Variants in FSTL1 observed in about 807,000 individuals in gnomAD.
The protein encoded by FSTL1 is follistatin-related protein 1.
Under a neutral mutation model 45.9 loss-of-function variants are expected in FSTL1, and 24 were observed. The ratio of observed to expected loss-of-function variants is 0.52; its 90% CI spans 0.38 to 0.74. The LOEUF is 0.74. Among genes scored for constraint, FSTL1 ranks in the 30% least tolerant of loss-of-function variants. FSTL1 has a pLI of 0.00. For synonymous variants in FSTL1, 120 were observed against 137.6 expected (o/e 0.87, Z 0.89); for missense variants, 340 against 381.8 (o/e 0.89, Z 0.91).
rs1937515176 is a variant in FSTL1 at position 120,433,934 on chromosome 3, T to C, written c.63+16750A>G. ...AAAAGCTGGCAAGGGGTAGAGCATG[T>C]AGGGTTTTAAAGGTACTGATAAGTC... is the stretch of plus-strand genomic sequence containing the variant. On this transcript the variant is annotated intron_variant, in intron 2 of 10. Transcript: ENST00000295633. Among the ~76,000 whole-genome samples, 7 of 152,206 alleles carry C rather than the reference T, an allele frequency of 4.6e-5. No individual in the cohort carries two copies. The South Asian group carries it at 1.2e-3, about 27-fold the overall frequency.
chr3:120,403,332 T>A lies in FSTL1; in HGVS notation c.604A>T (p.Ile202Phe). ...TCAGCATTTTCATCAGACAGTTCAATGAGAGCATCAACACAGAGTCCCCTG... is the reference window on the plus strand; with the variant it reads ...TCAGCATTTTCATCAGACAGTTCAAAGAGAGCATCAACACAGAGTCCCCTG... The part of the protein sequence containing the change: ...LLRGLCVDAL[I>F]ELSDENADWK... The change falls in exon 8 of 11, where the codon ATT (isoleucine) becomes TTT (phenylalanine). Residue 202 changes from isoleucine to phenylalanine, a missense_variant. Ile to Phe is a conservative substitution (Grantham distance 21). Coordinates refer to ENST00000295633, the MANE Select transcript of FSTL1 (RefSeq NM_007085.5). The A allele has an allele frequency of 1.2e-6, 2 of 1,608,376 alleles. No individual in the cohort carries two copies. Among genetic ancestry groups the A allele is most frequent in the Non-Finnish European group, 8.5e-7 (1 of 1,174,724 alleles).
At chr3:120,412,054 C>CAT in intron 3 of FSTL1, 71 bp from the exon 4 acceptor site, 1 of 644,030 alleles carries the variant, frequency 1.6e-6, no homozygotes. Context: ...CACACACATA[C>CAT]ATGCACACAC....
chr3:120,450,854 C>T (rs1937883436), intron 1 of FSTL1, 43 bp downstream of exon 1: 1 of 729,846 alleles, frequency 1.4e-6, no homozygotes, highest in Non-Finnish European at 2.1e-6. Flanking sequence ...CACCCCCGGC[C>T]GCCCGAAGAG....
chr3:120,403,119 G>A, intron 8 of FSTL1, 123 bp downstream of exon 8: 1 of 731,908 alleles, frequency 1.4e-6, no homozygotes, highest in Non-Finnish European at 2.5e-6. Flanking sequence ...CTGGGGCCCA[G>A]TTTAGAATCA....
chr3:120,403,585 C>T (rs1006990365), intron 7 of FSTL1, among the ~76,000 whole-genome samples: 1 of 152,262 alleles, frequency 6.6e-6, no homozygotes, highest in Admixed American at 6.5e-5. Flanking sequence ...CCCAGGCTGT[C>T]CAAATGTTCC....
chr3:120,424,815 C>T (rs1165173515), intron 2 of FSTL1, among the ~76,000 whole-genome samples: 1 of 152,006 alleles, frequency 6.6e-6, no homozygotes, highest in Non-Finnish European at 1.5e-5. Flanking sequence ...GAAATGAAGT[C>T]TGGGAAAGGT....
chr3:120,396,881 C>T lies in FSTL1; in HGVS notation c.*71G>A, dbSNP rs958710823. 1.5e-5 allele frequency: 16 copies of T among 1,056,082 alleles called. No homozygotes were observed. The Middle Eastern group carries it at 6.1e-4, about 40-fold the overall frequency. 65.4% of individuals were successfully genotyped at this position (1,056,082 alleles called of 1,614,324 possible). The stretch of plus-strand genomic sequence containing the variant: ...GGTGATTTGGCGACTGTAGCAGACA[C>T]TTGTGTATACTGAACTCAGCGCTGA... On this transcript the variant is annotated 3_prime_UTR_variant, in exon 11 of 11. Coordinates refer to ENST00000295633, the MANE Select transcript of FSTL1 (RefSeq NM_007085.5).
At chr3:120,397,136 G>A in intron 10 of FSTL1, 140 bp from the exon 11 acceptor site, 1 of 733,536 alleles carries the variant, frequency 1.4e-6, no homozygotes, top group African/African-American at 1.7e-5. Flanking sequence ...CTCCTCCACG[G>A]ACAATGAACA....
chr3:120,399,863 G>A lies in FSTL1; in HGVS notation c.882+20C>T. ...GATGGCAACAGCAACACCTGAACCA[G>A]CACGGAGGCTGCCACTCACCTGATG... On this transcript the variant is annotated intron_variant, in intron 10 of 10. Coordinates refer to ENST00000295633, the MANE Select transcript of FSTL1 (RefSeq NM_007085.5). The A allele has an allele frequency of 1.3e-6, 2 of 1,548,436 alleles. No homozygotes were observed. Among genetic ancestry groups the A allele is most frequent in the Non-Finnish European group, 1.8e-6 (2 of 1,129,358 alleles).
chr3:120,445,849 T>C lies in FSTL1; in HGVS notation c.63+4835A>G, dbSNP rs374907066. On this transcript the variant is annotated intron_variant, in intron 2 of 10. Coordinates refer to ENST00000295633, the MANE Select transcript of FSTL1 (RefSeq NM_007085.5). ...CTGTGACTCTGACCTGAGTACCAGG[T>C]GCGCTCAGCTGCAGCAGGGGATAGG... 1.1e-4 allele frequency among the ~76,000 whole-genome samples: 16 copies of C among 149,994 alleles called. 3 individuals carry two copies. Among genetic ancestry groups the C allele is most frequent in the African/African-American group, 4.1e-4 (16 of 39,320 alleles).
At chr3:120,433,528 A>C (rs1299848724) in intron 2 of FSTL1, among the ~76,000 whole-genome samples, 1 of 152,260 alleles carries the variant, frequency 6.6e-6, no homozygotes, top group Non-Finnish European at 1.5e-5. Context: ...CTATACACTA[A>C]GCACAACTGG....
chr3:120,400,221 A>AG, intron 9 of FSTL1: 1 of 465,262 alleles, frequency 2.1e-6, no homozygotes, highest in Non-Finnish European at 3.8e-6. Flanking sequence ...CCCAGCCAGA[A>AG]GCTGGCCCTA....
At chr3:120,444,688 T>TAA (rs547144095) in intron 2 of FSTL1, among the ~76,000 whole-genome samples, 1 of 149,922 alleles carries the variant, frequency 6.7e-6, no homozygotes, top group South Asian at 2.1e-4. Context: ...AATATGAAAA[T>TAA]AAAATATGCC....
chr3:120,422,846 C>G (rs1235098398), intron 2 of FSTL1, among the ~76,000 whole-genome samples: 1 of 152,204 alleles, frequency 6.6e-6, no homozygotes, highest in East Asian at 1.9e-4. Context: ...AGGCACACGC[C>G]CCCATGCCTG....
Position 120,413,958 on chromosome 3 carries a change from G to C in FSTL1, c.168+1965C>G, listed in dbSNP as rs1219684378. ...AGGCTTGCGCCGCCATGCCTGACTGGTTTTGGTGGAGACGGGGTTTCGCTG... is the reference window on the plus strand; with the variant it reads ...AGGCTTGCGCCGCCATGCCTGACTGCTTTTGGTGGAGACGGGGTTTCGCTG... On this transcript the variant is annotated intron_variant, in intron 3 of 10. Coordinates refer to ENST00000295633, the MANE Select transcript of FSTL1 (RefSeq NM_007085.5). Among the ~76,000 whole-genome samples, 5 of 151,980 alleles carry C rather than the reference G, an allele frequency of 3.3e-5. No homozygotes were observed. In the East Asian group the frequency reaches 9.7e-4, roughly 29 times the overall value.
rs958399324 is a variant in FSTL1 at position 120,431,199 on chromosome 3, G to A, written c.64-15172C>T. On this transcript the variant is annotated intron_variant, in intron 2 of 10. Coordinates refer to ENST00000295633, the MANE Select transcript of FSTL1 (RefSeq NM_007085.5). The stretch of plus-strand genomic sequence containing the variant: ...GTTGGCCAGGCTGTTCTTGAACTCC[G>A]GACCTCAAGTGATCCACCACCTCGG... Among the ~76,000 whole-genome samples the A allele has an allele frequency of 4.6e-5, 7 of 152,024 alleles. No homozygotes were observed. The South Asian group carries it at 8.3e-4, about 18-fold the overall frequency.
intron 2 of FSTL1, among the ~76,000 whole-genome samples, chr3:120,450,128 A>G (rs902253855): frequency 6.6e-6 from 1 of 152,202 alleles, no homozygotes; most frequent in South Asian, 2.1e-4. Flanking sequence ...GTTACAGGGA[A>G]CACTTGGGAA....
chr3:120,439,749 G>T (rs1937609113), intron 2 of FSTL1, among the ~76,000 whole-genome samples: 1 of 152,214 alleles, frequency 6.6e-6, no homozygotes, highest in Non-Finnish European at 1.5e-5. Context: ...TTTTAGAGCT[G>T]TCTTGCCATT....
chr3:120,442,788 G>GAAAAAAAAA (rs749297340), intron 2 of FSTL1, among the ~76,000 whole-genome samples: 1 of 53,256 alleles, frequency 1.9e-5, no homozygotes. Flanking sequence ...TCTCAAAAAA[G>GAAAAAAAAA]AAAAAAAAAA....
Sources: allele counts gnomAD v4.1 joint callset (sites outside exome capture counted in the v4.1 genomes callset), GRCh38; gene constraint gnomAD v4.1.1; transcripts MANE v1.5; gene names NCBI Gene and HGNC (gene_info 2026-07-23, HGNC 2026-07-21).